Variants in COMMD10 observed in about 807,000 individuals in gnomAD.
The protein encoded by COMMD10 is COMM domain containing 10, also known as COMM domain-containing protein 10.
Under a neutral mutation model 28.9 loss-of-function variants are expected in COMMD10, and 33 were observed. That is an observed-to-expected ratio of 1.14 (90% CI 0.87 to 1.53). The LOEUF (loss-of-function observed/expected upper bound fraction) is 1.53, where lower values mean the gene tolerates loss of function less well. COMMD10 is among the 40% of genes most tolerant of loss of function. The probability of loss-of-function intolerance (pLI) is 0.00; values close to 1 mark genes in which losing one functional copy is unlikely to be tolerated. For missense variants in COMMD10, 310 were observed against 233.4 expected (o/e 1.33, Z -2.14); for synonymous variants, 110 against 81.7 (o/e 1.35, Z -1.87).
chr5:116,230,194 A>G (rs1194766122), intron 5 of COMMD10, among the ~76,000 whole-genome samples: 1 of 152,052 alleles, frequency 6.6e-6, no homozygotes, highest in East Asian at 1.9e-4. Context: ...AAGCCATGTA[A>G]CAAAGCAGCC....
chr5:116,230,849 A>T (rs1452054001), intron 5 of COMMD10, among the ~76,000 whole-genome samples: 13 of 151,494 alleles, frequency 8.6e-5, no homozygotes, highest in Non-Finnish European at 1.6e-4. Flanking sequence ...ATAGATAAAT[A>T]ATACGTGTGT....
chr5:116,171,554 A>C (rs1753333487), intron 5 of COMMD10, among the ~76,000 whole-genome samples: 1 of 152,198 alleles, frequency 6.6e-6, no homozygotes, highest in African/African-American at 2.4e-5. Context: ...CACAATTTAC[A>C]ATAGCAAAGA....
intron 5 of COMMD10, among the ~76,000 whole-genome samples, chr5:116,163,544 G>T (rs1255691860): frequency 6.6e-6 from 1 of 151,628 alleles, no homozygotes; most frequent in African/African-American, 2.4e-5. Flanking sequence ...AGCCAAGATT[G>T]CACCATCGCG....
At chr5:116,168,232 G>T (rs1162603940) in intron 5 of COMMD10, among the ~76,000 whole-genome samples, 1 of 147,914 alleles carries the variant, frequency 6.8e-6, no homozygotes, top group Non-Finnish European at 1.5e-5. Flanking sequence ...GATCAAAAAA[G>T]ACAAAGAAGG....
At chr5:116,207,079 TG>T (rs1261692144) in intron 5 of COMMD10, among the ~76,000 whole-genome samples, 4 of 152,250 alleles carry the variant, frequency 2.6e-5, no homozygotes, top group African/African-American at 9.6e-5. Context: ...CATATGTTTT[TG>T]TCCTTGAACT....
chr5:116,236,361 G>A (rs1749661059), intron 5 of COMMD10, among the ~76,000 whole-genome samples: 1 of 151,844 alleles, frequency 6.6e-6, no homozygotes, highest in African/African-American at 2.4e-5. Context: ...AAAATTAGCT[G>A]GTCATGGTGG....
intron 5 of COMMD10, among the ~76,000 whole-genome samples, chr5:116,192,272 C>G (rs909780226): frequency 3.0e-4 from 43 of 142,636 alleles, no homozygotes; most frequent in South Asian, 6.8e-4. Context: ...ACCCCCCCCC[C>G]CAAAAATAAC....
In COMMD10 at chr5:116,217,626, C is replaced by T. The variant is rs193257700; in HGVS notation, c.511-73891C>T. On this transcript the variant is annotated intron_variant, in intron 5 of 6. Coordinates refer to ENST00000274458, the MANE Select transcript of COMMD10 (RefSeq NM_016144.4). ...GGTAACCAATGACTGGAGGTCAGGT[C>T]CCAACAGATGTCTGGGCTTAAGGGA... is the stretch of plus-strand genomic sequence containing the variant. 8.9e-4 allele frequency among the ~76,000 whole-genome samples: 136 copies of T among 152,244 alleles called. 1 individual carries two copies. Among genetic ancestry groups the T allele is most frequent in the Non-Finnish European group, 1.6e-3 (112 of 68,024 alleles).
intron 5 of COMMD10, among the ~76,000 whole-genome samples, chr5:116,246,414 A>C (rs570170715): frequency 6.6e-6 from 1 of 152,086 alleles, no homozygotes; most frequent in Non-Finnish European, 1.5e-5. Flanking sequence ...TCCCAAAGCA[A>C]TTTATAGATT....
chr5:116,206,089 T>A (rs187250237), intron 5 of COMMD10, among the ~76,000 whole-genome samples: 260 of 152,344 alleles, frequency 1.7e-3, no homozygotes, highest in African/African-American at 5.9e-3. Context: ...TGCTGAAATA[T>A]CTTCAGATCA....
chr5:116,140,408 T>A (rs1419877407), intron 5 of COMMD10, among the ~76,000 whole-genome samples: 2 of 151,772 alleles, frequency 1.3e-5, no homozygotes, highest in African/African-American at 4.8e-5. Context: ...GGTGCAGATA[T>A]CTCTTTAACA....
chr5:116,134,366 T>G (rs1461798481), intron 5 of COMMD10, among the ~76,000 whole-genome samples, 188 bp downstream of exon 5: 1 of 152,138 alleles, frequency 6.6e-6, no homozygotes, highest in Non-Finnish European at 1.5e-5. Flanking sequence ...AAACATTTCA[T>G]AATGTCTTCT....
At chr5:116,227,617 G>T (rs1749426034) in intron 5 of COMMD10, among the ~76,000 whole-genome samples, 1 of 152,024 alleles carries the variant, frequency 6.6e-6, no homozygotes, top group African/African-American at 2.4e-5. Flanking sequence ...AAATACTAAG[G>T]CTGCCCACTT....
At chr5:116,230,364 AGC>A (rs752156288) in intron 5 of COMMD10, among the ~76,000 whole-genome samples, 28 of 152,002 alleles carry the variant, frequency 1.8e-4, no homozygotes, top group Non-Finnish European at 3.7e-4. Flanking sequence ...GTAACCCCAT[AGC>A]TCTTGAACAT....
intron 4 of COMMD10, among the ~76,000 whole-genome samples, chr5:116,119,258 G>A (rs142431364): frequency 4.6e-5 from 7 of 152,330 alleles, no homozygotes; most frequent in African/African-American, 1.2e-4. Context: ...GTGAGACTAG[G>A]CCGACTTTTG....
At chr5:116,138,208 T>C (rs1008474540) in intron 5 of COMMD10, among the ~76,000 whole-genome samples, 3 of 151,928 alleles carry the variant, frequency 2.0e-5, no homozygotes, top group Non-Finnish European at 4.4e-5. Flanking sequence ...ATTTGGCTTT[T>C]GAAATTTGTA....
intron 5 of COMMD10, among the ~76,000 whole-genome samples, chr5:116,205,690 C>A (rs1282994826): frequency 6.6e-6 from 1 of 152,028 alleles, no homozygotes; most frequent in Non-Finnish European, 1.5e-5. Context: ...CATTCTATTT[C>A]ATACCTTGGA....
intron 5 of COMMD10, among the ~76,000 whole-genome samples, chr5:116,184,048 A>G (rs1363411281): frequency 1.3e-5 from 2 of 152,100 alleles, no homozygotes; most frequent in African/African-American, 4.8e-5. Context: ...TCAAATTCCA[A>G]ATACTAAATT....
chr5:116,243,246 A>G (rs768172051), intron 5 of COMMD10, among the ~76,000 whole-genome samples: 1 of 152,166 alleles, frequency 6.6e-6, no homozygotes, highest in Non-Finnish European at 1.5e-5. Context: ...AGACCACCAG[A>G]CTACAGTTAC....
Sources: allele counts gnomAD v4.1 joint callset (sites outside exome capture counted in the v4.1 genomes callset), GRCh38; gene constraint gnomAD v4.1.1; transcripts MANE v1.5; gene names NCBI Gene and HGNC (gene_info 2026-07-23, HGNC 2026-07-21).